The following IFT140 variants were observed in gnomAD, a reference collection of about 807,000 sequenced individuals.
IFT140 encodes intraflagellar transport protein 140 homolog.
Under a neutral mutation model 164.6 loss-of-function variants are expected in IFT140, and 133 were observed. The ratio of observed to expected loss-of-function variants is 0.81; its 90% CI spans 0.70 to 0.93. The LOEUF is 0.93. Among genes scored for constraint, IFT140 ranks in the 40% least tolerant of loss-of-function variants. The probability of loss-of-function intolerance (pLI) is 0.00; values close to 1 mark genes in which losing one functional copy is unlikely to be tolerated. For synonymous variants in IFT140, 860 were observed against 817.3 expected (o/e 1.05, Z -0.89); for missense variants, 2,045 against 1,972.3 (o/e 1.04, Z -0.70).
At chr16:1,568,036 G>T (rs2033814705) in intron 15 of IFT140, among the ~76,000 whole-genome samples, 181 bp downstream of exon 15, 2 of 152,188 alleles carry the variant, frequency 1.3e-5, no homozygotes, top group Non-Finnish European at 2.9e-5. Flanking sequence ...TGCTGGGGAG[G>T]TTCCCGGAGA....
intron 19 of IFT140, among the ~76,000 whole-genome samples, chr16:1,536,753 C>T (rs760034006): frequency 7.2e-5 from 11 of 152,214 alleles, no homozygotes; most frequent in Non-Finnish European, 1.5e-4. Context: ...CCTCTCTCGC[C>T]TTCTCCTTCA....
At chr16:1,519,737 G>T in intron 29 of IFT140, 144 bp downstream of exon 29, 1 of 691,144 alleles carries the variant, frequency 1.4e-6, no homozygotes, top group Non-Finnish European at 2.2e-6. Flanking sequence ...AGGAGGAGGT[G>T]GGGTGTGTCT....
chr16:1,525,861 G>A lies in IFT140; in HGVS notation c.2768+26C>T, dbSNP rs1042846882. The A allele has an allele frequency of 1.9e-5, 28 of 1,500,310 alleles. No homozygotes were observed. In the African/African-American group the frequency reaches 3.2e-4, roughly 17 times the overall value. The allele number at this position is 1,500,310 out of a possible 1,614,324, so 92.9% of individuals were successfully genotyped here. A position where few individuals can be genotyped will look rare whatever the true frequency, so the allele number is the denominator to read the frequency against. On this transcript the variant is annotated intron_variant, in intron 21 of 30. Transcript: ENST00000426508. ...AGCCAGGGCCATCCAGAGAGGCAGGGAAGAGGCCGCGAGGGCCGCACTCAC... is the reference window on the plus strand; with the variant it reads ...AGCCAGGGCCATCCAGAGAGGCAGGAAAGAGGCCGCGAGGGCCGCACTCAC...
In IFT140 at chr16:1,553,542, C is replaced by T; in HGVS notation, c.2399+4393G>A. On this transcript the variant is annotated intron_variant, in intron 19 of 30. Coordinates refer to ENST00000426508, the MANE Select transcript of IFT140 (RefSeq NM_014714.4). This position sits in a 1 kb window ranked among gnomAD's most constrained non-coding sequence, Gnocchi z 4.4. Reference sequence around the variant, plus strand: ...GGGACATGGACAAGTCCTCTATGGACAAGAGGGGCTGGAGAGTTTAATCTG... The same window carrying T: ...GGGACATGGACAAGTCCTCTATGGATAAGAGGGGCTGGAGAGTTTAATCTG... 1.0e-6 allele frequency: 1 copy of T among 997,708 alleles called. No individual in the cohort carries two copies. The highest frequency in any genetic ancestry group is 4.4e-5 in the South Asian group (1 of 22,664). 61.8% of individuals were successfully genotyped at this position (997,708 alleles called of 1,614,324 possible).
intron 4 of IFT140, among the ~76,000 whole-genome samples, chr16:1,596,680 C>A (rs1013901829): frequency 2.6e-5 from 4 of 152,156 alleles, no homozygotes; most frequent in Non-Finnish European, 5.9e-5. Flanking sequence ...GTCAAATATT[C>A]CTGATCCTCA....
chr16:1,587,478 T>A, intron 8 of IFT140, among the ~76,000 whole-genome samples, 174 bp from the exon 9 acceptor site: 1 of 152,202 alleles, frequency 6.6e-6, no homozygotes, highest in Non-Finnish European at 1.5e-5. Flanking sequence ...ATGTCCTGTT[T>A]CTAATGAAAG....
Position 1,525,301 on chromosome 16 carries a change from A to G in IFT140, c.2794T>C (p.Phe932Leu), listed in dbSNP as rs1215520082. The G allele has an allele frequency of 6.2e-7, 1 of 1,612,500 alleles. No individual in the cohort carries two copies. The highest frequency in any genetic ancestry group is 1.7e-5 in the Admixed American group (1 of 60,034). Residue 932 changes from phenylalanine (F) to leucine (L), a missense_variant, in exon 22 of 31, where the codon TTC becomes CTC. Coordinates refer to ENST00000426508, the MANE Select transcript of IFT140 (RefSeq NM_014714.4). ...TCCGACAGCATCCTGGGCACCTCGA[A>G]GCGGTGCGTGTCCGACTTCTCGTAG... The part of the protein sequence containing the change: ...SYYEKSDTHR[F>L]EVPRMLSEDL...
intron 4 of IFT140, among the ~76,000 whole-genome samples, chr16:1,596,228 G>A (rs1005949393): frequency 5.3e-5 from 8 of 150,050 alleles, no homozygotes; most frequent in Admixed American, 3.3e-4. Context: ...CCCTGGAGCC[G>A]AGGACCGCAG....
chr16:1,568,007 AGAGGCT>A (rs2033812963), intron 15 of IFT140, among the ~76,000 whole-genome samples: 1 of 152,214 alleles, frequency 6.6e-6, no homozygotes, highest in South Asian at 2.1e-4. Context: ...GGGGAGGAAC[AGAGGCT>A]GGGTGAGGAC....
At chr16:1,546,867 T>C (rs1166770235) in intron 19 of IFT140, among the ~76,000 whole-genome samples, 2 of 152,250 alleles carry the variant, frequency 1.3e-5, no homozygotes, top group African/African-American at 2.4e-5. Context: ...CCTCAGCTGT[T>C]GCTGGAGCCC....
chr16:1,519,742 G>A, intron 29 of IFT140, 139 bp downstream of exon 29: 1 of 733,498 alleles, frequency 1.4e-6, no homozygotes, highest in Non-Finnish European at 2.0e-6. Flanking sequence ...GAGGTGGGGT[G>A]TGTCTTCAGC....
chr16:1,599,277 G>T (rs1359416496), intron 4 of IFT140, among the ~76,000 whole-genome samples: 1 of 90,358 alleles, frequency 1.1e-5, no homozygotes, highest in East Asian at 4.0e-4. Flanking sequence ...CATCTGGGAA[G>T]TGAGGAGCAT....
Position 1,512,485 on chromosome 16 carries a change from C to G in IFT140, c.4183-1335G>C, listed in dbSNP as rs888580841. 2.6e-5 allele frequency among the ~76,000 whole-genome samples: 4 copies of G among 152,224 alleles called. No homozygotes were observed. The East Asian group carries it at 5.8e-4, about 22-fold the overall frequency. ...TCCCAGTTTCTTTTTTCTTTTGTAT[C>G]TCGAGTTACTAAATTCCACAGGCTT... On this transcript the variant is annotated intron_variant, in intron 30 of 30. Coordinates refer to ENST00000426508, the MANE Select transcript of IFT140 (RefSeq NM_014714.4).
In IFT140 at chr16:1,525,165, G is replaced by A. The variant is rs1468606785; in HGVS notation, c.2864+66C>T. 4 of 1,351,820 alleles carry A rather than the reference G, an allele frequency of 3.0e-6. No homozygotes were observed. In the African/African-American group the frequency reaches 5.7e-5, roughly 19 times the overall value. The allele number at this position is 1,351,820 out of a possible 1,614,324, so 83.7% of individuals were successfully genotyped here. ...ACGGGAAAGGGAGCCGTCTCAGCAAGCCCTGGGGTCCCTGCAAACCTCCAG... is the reference window on the plus strand; with the variant it reads ...ACGGGAAAGGGAGCCGTCTCAGCAAACCCTGGGGTCCCTGCAAACCTCCAG... On this transcript the variant is annotated intron_variant, in intron 22 of 30. Transcript: ENST00000426508.
chr16:1,609,761 A>G (rs944079722), intron 2 of IFT140, among the ~76,000 whole-genome samples: 5 of 152,236 alleles, frequency 3.3e-5, no homozygotes, highest in African/African-American at 1.2e-4. Context: ...TATAATTTAA[A>G]AAGTTAACAC....
intron 19 of IFT140, among the ~76,000 whole-genome samples, chr16:1,544,884 G>A (rs950365998): frequency 1.3e-5 from 2 of 152,144 alleles, no homozygotes; most frequent in Non-Finnish European, 1.5e-5. Context: ...TCCTGACCTT[G>A]TGATCCGCCC....
At chr16:1,542,151 G>A (rs1266628389) in intron 19 of IFT140, 1 of 1,432,456 alleles carries the variant, frequency 7.0e-7, no homozygotes, top group Non-Finnish European at 9.2e-7. Context: ...GGGTCCTGAG[G>A]CCTTGGGTGG....
intron 19 of IFT140, chr16:1,534,630 C>A (rs1432253095): frequency 6.3e-6 from 10 of 1,584,680 alleles, no homozygotes; most frequent in Non-Finnish European, 8.5e-6. Context: ...TAGGCGCGGA[C>A]CTGGTGAGCG....
Position 1,564,279 on chromosome 16 carries a change from G to A in IFT140, c.1902-117C>T, listed in dbSNP as rs886730852. On this transcript the variant is annotated intron_variant, in intron 16 of 30. Transcript: ENST00000426508. This position sits in a 1 kb window ranked among gnomAD's most constrained non-coding sequence, Gnocchi z 5.5. ...CTGTCCCAGACCATGGTGTCCACGC[G>A]CTCAGCTCTGGGAGAACTTTTGGGG... 7.5e-6 allele frequency: 6 copies of A among 798,496 alleles called. No individual in the cohort carries two copies. Among genetic ancestry groups the A allele is most frequent in the South Asian group, 5.9e-5 (2 of 33,940 alleles). The allele number at this position is 798,496 out of a possible 1,614,324, so 49.5% of individuals were successfully genotyped here.
Sources: gnomAD v4.1 joint callset for allele counts (sites outside exome capture counted in the v4.1 genomes callset) on GRCh38, gnomAD v4.1.1 for gene constraint, Gnocchi (gnomAD v3.1) non-coding constraint, MANE v1.5 for transcripts, NCBI Gene and HGNC (gene_info 2026-07-23, HGNC 2026-07-21) for gene names.